The following LMNTD1 variants were observed in gnomAD, a reference collection of about 807,000 sequenced individuals.
LMNTD1 encodes the protein lamin tail domain-containing protein 1.
Under a neutral mutation model 50.9 loss-of-function variants are expected in LMNTD1, and 35 were observed. The observed-to-expected ratio is 0.69, with a 90% CI of 0.53 to 0.91. LMNTD1 has a LOEUF of 0.91. Among genes scored for constraint, LMNTD1 ranks in the 40% least tolerant of loss-of-function variants. The probability of loss-of-function intolerance (pLI) is 0.00; values close to 1 mark genes in which losing one functional copy is unlikely to be tolerated. For synonymous variants in LMNTD1, 153 were observed against 161.9 expected, an observed-to-expected ratio of 0.94 and a Z score of 0.42; for missense variants, 470 against 475.5, an observed-to-expected ratio of 0.99 and a Z score of 0.11.
chr12:25,605,859 A>G (rs1341815296), intron 1 of LMNTD1, among the ~76,000 whole-genome samples: 5 of 152,300 alleles, frequency 3.3e-5, no homozygotes, highest in Non-Finnish European at 5.9e-5. Flanking sequence ...AGTTTTTTCC[A>G]ATTCTATGAA....
At chr12:25,551,475 C>T (rs1028707586) in intron 2 of LMNTD1, among the ~76,000 whole-genome samples, 4 of 152,040 alleles carry the variant, frequency 2.6e-5, no homozygotes, top group African/African-American at 9.7e-5. Context: ...CTGCAACCAC[C>T]AACTCCTGGG....
intron 1 of LMNTD1, among the ~76,000 whole-genome samples, chr12:25,605,534 G>A (rs1006865325): frequency 6.6e-6 from 1 of 152,154 alleles, no homozygotes; most frequent in African/African-American, 2.4e-5. Flanking sequence ...GTGTAAGGAA[G>A]GGATCCAGTT....
chr12:25,597,752 A>G (rs1031217640), intron 1 of LMNTD1, among the ~76,000 whole-genome samples: 1 of 152,206 alleles, frequency 6.6e-6, no homozygotes, highest in Non-Finnish European at 1.5e-5. Flanking sequence ...TTAAGTCACA[A>G]GACAAATCTT....
chr12:25,615,410 G>A (rs370987326), intron 1 of LMNTD1, among the ~76,000 whole-genome samples: 4 of 152,096 alleles, frequency 2.6e-5, no homozygotes, highest in African/African-American at 4.8e-5. Flanking sequence ...TCTGGACAAC[G>A]TTCAGAAGAG....
intron 1 of LMNTD1, among the ~76,000 whole-genome samples, chr12:25,599,456 T>G (rs1170185796): frequency 1.3e-5 from 2 of 151,838 alleles, no homozygotes; most frequent in African/African-American, 4.8e-5. Flanking sequence ...ACTAGAGCAA[T>G]CAGATAAGAG....
At chr12:25,629,904 A>G (rs1946677143) in intron 1 of LMNTD1, among the ~76,000 whole-genome samples, 1 of 152,226 alleles carries the variant, frequency 6.6e-6, no homozygotes, top group African/African-American at 2.4e-5. Context: ...GACTTTAATT[A>G]GATCAGACTG....
At chr12:25,615,086 G>C (rs993407372) in intron 1 of LMNTD1, among the ~76,000 whole-genome samples, 1 of 152,128 alleles carries the variant, frequency 6.6e-6, no homozygotes, top group Non-Finnish European at 1.5e-5. Context: ...GATAAATACA[G>C]GGGGGCACAA....
intron 4 of LMNTD1, among the ~76,000 whole-genome samples, chr12:25,531,245 T>C (rs1942205772): frequency 2.6e-5 from 4 of 152,232 alleles, no homozygotes; most frequent in Admixed American, 6.5e-5. Context: ...ACAACCCAGA[T>C]TTATGGCCTA....
At chr12:25,581,853 A>G (rs1945306610) in intron 1 of LMNTD1, among the ~76,000 whole-genome samples, 1 of 152,248 alleles carries the variant, frequency 6.6e-6, no homozygotes, top group Admixed American at 6.5e-5. Flanking sequence ...TTGTAACACA[A>G]TCTAAGTATT....
chr12:25,553,627 T>A (rs1029276641), upstream of LMNTD1, among the ~76,000 whole-genome samples: 2 of 152,082 alleles, frequency 1.3e-5, no homozygotes, highest in Admixed American at 1.3e-4. Context: ...ACCATAAAAC[T>A]TCAATGCAAA....
intron 8 of LMNTD1, among the ~76,000 whole-genome samples, chr12:25,515,283 A>G (rs1346784783): frequency 6.6e-6 from 1 of 152,070 alleles, no homozygotes; most frequent in Non-Finnish European, 1.5e-5. Flanking sequence ...TAAACAAGAT[A>G]CAGTAAATTT....
chr12:25,534,145 CT>C (rs796165974), intron 4 of LMNTD1, among the ~76,000 whole-genome samples: 14 of 151,442 alleles, frequency 9.2e-5, no homozygotes, highest in South Asian at 4.2e-4. Context: ...CCTACAACTC[CT>C]TTTTTTTTCC....
chr12:25,481,730 A>C (rs1006404595), intron 9 of LMNTD1, among the ~76,000 whole-genome samples: 1 of 151,370 alleles, frequency 6.6e-6, no homozygotes, highest in Non-Finnish European at 1.5e-5. Context: ...AATTCTTTAA[A>C]TCTCTGAAGA....
chr12:25,633,154 A>T (rs1565530013), intron 1 of LMNTD1, among the ~76,000 whole-genome samples: 1 of 152,128 alleles, frequency 6.6e-6, no homozygotes, highest in East Asian at 1.9e-4. Flanking sequence ...TCCACCTAAG[A>T]CTGGAGTTCC....
At chr12:25,537,171 G>A (rs535351818) in intron 4 of LMNTD1, among the ~76,000 whole-genome samples, 7 of 152,318 alleles carry the variant, frequency 4.6e-5, no homozygotes, top group African/African-American at 4.8e-5. Context: ...CCATTGCCCA[G>A]GCTTGCTTAG....
intron 9 of LMNTD1, among the ~76,000 whole-genome samples, chr12:25,488,810 G>C (rs967992018): frequency 6.6e-6 from 1 of 152,144 alleles, no homozygotes; most frequent in Non-Finnish European, 1.5e-5. Context: ...ATGGGTTTTC[G>C]GTGTGGATGT....
intron 1 of LMNTD1, among the ~76,000 whole-genome samples, chr12:25,626,607 A>G (rs912662231): frequency 3.3e-5 from 5 of 152,170 alleles, no homozygotes; most frequent in African/African-American, 1.2e-4. Context: ...GTAAAAGCTA[A>G]AAGTTTTGTC....
intron 1 of LMNTD1, among the ~76,000 whole-genome samples, chr12:25,646,443 T>G (rs1386150886): frequency 6.6e-6 from 1 of 152,190 alleles, no homozygotes; most frequent in Admixed American, 6.5e-5. Context: ...AATGGTCTTC[T>G]GCTTTCCTCT....
At chr12:25,519,460 C>T (rs1433377460) in intron 7 of LMNTD1, among the ~76,000 whole-genome samples, 1 of 151,600 alleles carries the variant, frequency 6.6e-6, no homozygotes, top group Non-Finnish European at 1.5e-5. Flanking sequence ...TGGTGGTGGG[C>T]GCCTGTAGTC....
Sources: allele counts gnomAD v4.1 joint callset (sites outside exome capture counted in the v4.1 genomes callset), GRCh38; gene constraint gnomAD v4.1.1; transcripts MANE v1.5; gene names NCBI Gene and HGNC (gene_info 2026-07-23, HGNC 2026-07-21).